The following NCKAP5 variants were observed in gnomAD, a reference collection of about 807,000 sequenced individuals.
NCKAP5 encodes nck-associated protein 5.
Under a neutral mutation model 167.0 loss-of-function variants are expected in NCKAP5, and 92 were observed. The observed-to-expected ratio is 0.55, with a 90% confidence interval of 0.47 to 0.66. NCKAP5 has a LOEUF of 0.66. Ranked by LOEUF, NCKAP5 falls within the 30% of genes least tolerant of loss-of-function variation. NCKAP5 has a pLI of 0.00. For missense variants in NCKAP5, 2,378 were observed against 2,315.0 expected, an observed-to-expected ratio of 1.03 and a Z score of -0.56; for synonymous variants, 891 against 877.4, an observed-to-expected ratio of 1.02 and a Z score of -0.27.
At position 132,784,564 on chromosome 2, in the gene NCKAP5, A is replaced by G; in HGVS notation, c.2247T>C (p.Asp749=). ...TEKNIPKDNV[D]NVPRVSTESF... ...ATTCAGTGGACACCCTGGGAACATT[A>G]TCTACATTATCTTTTGGAATGTTTT... The change falls in exon 14 of 20, where the codon GAT becomes GAC. Residue 749 remains aspartate, a synonymous_variant. Coordinates refer to ENST00000409261, the MANE Select transcript of NCKAP5 (RefSeq NM_207363.3). 6.3e-7 allele frequency: 1 copy of G among 1,579,030 alleles called. No individual in the cohort carries two copies. Among genetic ancestry groups the G allele is most frequent in the Non-Finnish European group, 8.6e-7 (1 of 1,161,962 alleles).
intron 3 of NCKAP5, among the ~76,000 whole-genome samples, chr2:133,495,799 A>T (rs1214728944): frequency 2.6e-5 from 4 of 152,218 alleles, no homozygotes; most frequent in Non-Finnish European, 5.9e-5. Context: ...TGAAAATTAC[A>T]TTTTAAATAT....
chr2:133,102,744 AACACAC>A (rs3051212), intron 6 of NCKAP5, among the ~76,000 whole-genome samples: 4,853 of 135,162 alleles, frequency 0.036, 158 homozygotes, highest in African/African-American at 0.1. Context: ...CAAGCATGTA[AACACAC>A]ACACACACAC....
intron 3 of NCKAP5, among the ~76,000 whole-genome samples, chr2:133,502,052 T>C (rs568718759): frequency 1.3e-5 from 2 of 152,334 alleles, no homozygotes; most frequent in South Asian, 4.1e-4. Flanking sequence ...TTCGCCTCGC[T>C]TGCTGTGATA....
intron 3 of NCKAP5, among the ~76,000 whole-genome samples, chr2:133,367,481 AGTT>A (rs1466769320): frequency 1.3e-5 from 2 of 152,198 alleles, no homozygotes; most frequent in Admixed American, 6.5e-5. Flanking sequence ...CCCAACAATT[AGTT>A]GTTGTTATTG....
intron 2 of NCKAP5, among the ~76,000 whole-genome samples, chr2:133,546,378 A>AT (rs1178845593): frequency 5.3e-5 from 8 of 152,112 alleles, no homozygotes; most frequent in Non-Finnish European, 1.0e-4. Context: ...AATTTATCAG[A>AT]TTTTCCACAA....
chr2:133,262,616 C>T (rs1400676586), intron 4 of NCKAP5, among the ~76,000 whole-genome samples: 6 of 152,184 alleles, frequency 3.9e-5, no homozygotes, highest in Non-Finnish European at 7.3e-5. Context: ...GATGGAAGGG[C>T]GTAATATCCA....
chr2:132,799,265 G>C (rs1221788508), intron 11 of NCKAP5, among the ~76,000 whole-genome samples: 2 of 151,940 alleles, frequency 1.3e-5, no homozygotes, highest in Admixed American at 6.6e-5. Flanking sequence ...GAAAAAGAAA[G>C]GGGGGAATGG....
At chr2:132,906,444 G>T (rs1167121633) in intron 8 of NCKAP5, among the ~76,000 whole-genome samples, 1 of 152,154 alleles carries the variant, frequency 6.6e-6, no homozygotes, top group African/African-American at 2.4e-5. Context: ...CCATGCAGAG[G>T]TGATATGGAC....
rs562576669 is a variant in NCKAP5 at position 133,547,316 on chromosome 2, T to G, written c.-62+11734A>C. 1.8e-3 allele frequency among the ~76,000 whole-genome samples: 268 copies of G among 152,334 alleles called. 1 individual carries two copies. Among genetic ancestry groups the G allele is most frequent in the Non-Finnish European group, 2.0e-3 (139 of 68,018 alleles). On this transcript the variant is annotated intron_variant, in intron 2 of 19. Coordinates refer to ENST00000409261, the MANE Select transcript of NCKAP5 (RefSeq NM_207363.3). ...AGGCTGGGGGAGGGGCACCCGCCAT[T>G]GCCCAGCCTTGATTAGGTAAACAAA...
chr2:132,902,449 T>A (rs1210201658), intron 8 of NCKAP5, among the ~76,000 whole-genome samples: 1 of 152,230 alleles, frequency 6.6e-6, no homozygotes, highest in African/African-American at 2.4e-5. Context: ...GGTTTCCACG[T>A]GTGTTGCCTT....
In NCKAP5 at chr2:133,134,921, C is replaced by T. The variant is rs761226692; in HGVS notation, c.208-4810G>A. Among the ~76,000 whole-genome samples, 12 of 152,122 alleles carry T rather than the reference C, an allele frequency of 7.9e-5. No homozygotes were observed. In the East Asian group the frequency reaches 1.5e-3, roughly 20 times the overall value. ...TTCTCTAATTTAATAGAGAACTGTG[C>T]GTGTAAAAGCAGCTATGTACCCCCA... is the stretch of plus-strand genomic sequence containing the variant. On this transcript the variant is annotated intron_variant, in intron 5 of 19. Coordinates refer to ENST00000409261, the MANE Select transcript of NCKAP5 (RefSeq NM_207363.3).
chr2:132,855,358 G>A (rs1354273419), intron 11 of NCKAP5, among the ~76,000 whole-genome samples: 1 of 152,188 alleles, frequency 6.6e-6, no homozygotes, highest in Non-Finnish European at 1.5e-5. Flanking sequence ...TGGATACTCT[G>A]CCATCTGAGC....
chr2:133,613,841 G>A, the NCKAP5 span, among the ~76,000 whole-genome samples: 1 of 152,202 alleles, frequency 6.6e-6, no homozygotes, highest in Non-Finnish European at 1.5e-5. Context: ...TAATGCAAGA[G>A]TTGCTAGTCT....
chr2:133,612,818 C>A, the NCKAP5 span, among the ~76,000 whole-genome samples: 1 of 152,192 alleles, frequency 6.6e-6, no homozygotes, highest in Non-Finnish European at 1.5e-5. Context: ...ACCTTTAAGA[C>A]AGGTTGACTG....
intron 8 of NCKAP5, among the ~76,000 whole-genome samples, chr2:132,945,077 GGTTGA>G (rs1297074610): frequency 6.6e-6 from 1 of 152,098 alleles, no homozygotes; most frequent in Non-Finnish European, 1.5e-5. Flanking sequence ...GCCCCAAGCG[GGTTGA>G]GTTGGCCAAG....
chr2:132,757,996 G>A (rs1365162285), intron 16 of NCKAP5, among the ~76,000 whole-genome samples: 4 of 152,070 alleles, frequency 2.6e-5, no homozygotes, highest in Non-Finnish European at 5.9e-5. Context: ...TACACCCTAG[G>A]GATTTTACAA....
the NCKAP5 span, among the ~76,000 whole-genome samples, chr2:133,607,945 A>C: frequency 6.6e-6 from 1 of 152,330 alleles, no homozygotes; most frequent in East Asian, 1.9e-4. Flanking sequence ...AATGCTGATA[A>C]AATCCAATAA....
the NCKAP5 span, among the ~76,000 whole-genome samples, chr2:133,673,043 G>T: frequency 6.6e-6 from 1 of 152,202 alleles, no homozygotes; most frequent in Non-Finnish European, 1.5e-5. Flanking sequence ...ACTCCATTTT[G>T]TCTCTTACCT....
intron 8 of NCKAP5, among the ~76,000 whole-genome samples, chr2:132,884,036 A>ACGGTT (rs1360885140): frequency 6.6e-6 from 1 of 152,204 alleles, no homozygotes; most frequent in African/African-American, 2.4e-5. Context: ...CAACTCAGTC[A>ACGGTT]CGGTTCACAT....
Sources: allele counts gnomAD v4.1 joint callset (sites outside exome capture counted in the v4.1 genomes callset), GRCh38; gene constraint gnomAD v4.1.1; transcripts MANE v1.5; gene names NCBI Gene and HGNC (gene_info 2026-07-23, HGNC 2026-07-21).